Variants in NRXN1 observed in about 807,000 individuals in gnomAD.
NRXN1 encodes the protein neurexin 1, also known as neurexin-1.
A neutral mutation model predicts 150.9 loss-of-function variants in NRXN1; 39 were observed. The observed-to-expected ratio is 0.26, with a 90% CI of 0.20 to 0.34. The LOEUF (loss-of-function observed/expected upper bound fraction) is 0.34, where lower values mean the gene tolerates loss of function less well. Ranked by LOEUF, NRXN1 falls within the 10% of genes least tolerant of loss-of-function variation. The probability of loss-of-function intolerance (pLI) is 1.00; values close to 1 mark genes in which losing one functional copy is unlikely to be tolerated. For missense variants in NRXN1, 1,815 were observed against 1,949.9 expected, an observed-to-expected ratio of 0.93 and a Z score of 1.30; for synonymous variants, 924 against 757.0, an observed-to-expected ratio of 1.22 and a Z score of -3.62.
intron 5 of NRXN1, among the ~76,000 whole-genome samples, chr2:50,804,625 A>C (rs1667272161): frequency 6.6e-6 from 1 of 152,206 alleles, no homozygotes; most frequent in Non-Finnish European, 1.5e-5. Flanking sequence ...ACTTTGAACA[A>C]AAGAAAAGGA....
chr2:50,770,162 G>A (rs996093484), intron 5 of NRXN1, among the ~76,000 whole-genome samples: 6 of 152,038 alleles, frequency 3.9e-5, no homozygotes, highest in African/African-American at 1.4e-4. Flanking sequence ...TAATATTGCA[G>A]AAGTTTAACA....
intron 2 of NRXN1, among the ~76,000 whole-genome samples, chr2:51,005,687 A>G (rs1700619621): frequency 6.6e-6 from 1 of 151,930 alleles, no homozygotes; most frequent in South Asian, 2.1e-4. Context: ...GAATCACCCA[A>G]TTGCAAAAAT....
intron 18 of NRXN1, among the ~76,000 whole-genome samples, chr2:50,114,056 T>TA (rs1166657688): frequency 1.3e-5 from 2 of 151,966 alleles, no homozygotes; most frequent in Admixed American, 1.3e-4. Context: ...ATTACAGATG[T>TA]AAAAAAATAT....
At chr2:50,253,724 G>C (rs1320094625) in intron 17 of NRXN1, among the ~76,000 whole-genome samples, 10 of 152,114 alleles carry the variant, frequency 6.6e-5, no homozygotes, top group Admixed American at 1.3e-4. Flanking sequence ...TTATTGATTT[G>C]TGTATGTTGA....
intron 8 of NRXN1, among the ~76,000 whole-genome samples, chr2:50,601,830 C>T (rs1346127632): frequency 2.0e-5 from 3 of 152,166 alleles, no homozygotes; most frequent in African/African-American, 7.2e-5. Flanking sequence ...GACAGGTCTG[C>T]TCCTTCCTTG....
intron 2 of NRXN1, among the ~76,000 whole-genome samples, chr2:50,978,291 T>C (rs1575110329): frequency 7.6e-6 from 1 of 131,822 alleles, no homozygotes; most frequent in Admixed American, 7.5e-5. Context: ...TATATATATA[T>C]ATATATATAT....
intron 17 of NRXN1, among the ~76,000 whole-genome samples, chr2:50,237,194 G>T (rs1052980872): frequency 2.0e-5 from 3 of 152,040 alleles, no homozygotes; most frequent in African/African-American, 7.2e-5. Context: ...TTTACCAGTA[G>T]GTGTTTCAGA....
At chr2:50,394,130 G>A (rs1243612396) in intron 17 of NRXN1, among the ~76,000 whole-genome samples, 1 of 152,006 alleles carries the variant, frequency 6.6e-6, no homozygotes, top group Non-Finnish European at 1.5e-5. Flanking sequence ...CCAAATATGA[G>A]AAGGCTCAGT....
chr2:50,917,678 A>C (rs1685409097), intron 5 of NRXN1: 1 of 151,678 alleles, frequency 6.6e-6, no homozygotes, highest in East Asian at 1.9e-4. Context: ...GGACACAAAG[A>C]GAAGGTAGTG....
rs59726557 is a variant in NRXN1 at position 50,381,522 on chromosome 2, A to AACACACAC, written c.3364+83912_3364+83919dup. On this transcript the variant is annotated intron_variant, in intron 17 of 22. Transcript: ENST00000401669. ...AGTCTAAAGGGGACTCAGGCTTTTAAACACACACACACACACACACACACA... is the reference window on the plus strand; with the variant it reads ...AGTCTAAAGGGGACTCAGGCTTTTAAACACACACACACACACACACACACACACACACA... Among the ~76,000 whole-genome samples the AACACACAC allele has an allele frequency of 2.7e-3, 349 of 128,606 alleles. 2 individuals carry two copies. The highest frequency in any genetic ancestry group is 4.1e-3 in the Middle Eastern group (1 of 246). 84.4% of individuals were successfully genotyped at this position (128,606 alleles called of 152,430 possible). A position where few individuals can be genotyped will look rare whatever the true frequency, so the allele number is the denominator to read the frequency against.
chr2:50,035,096 T>A (rs567228456), intron 21 of NRXN1, among the ~76,000 whole-genome samples: 1 of 152,208 alleles, frequency 6.6e-6, no homozygotes, highest in South Asian at 2.1e-4. Context: ...TGACTGCACA[T>A]CTCAGGAAGA....
chr2:49,931,902 T>C (rs1670191348), intron 22 of NRXN1, among the ~76,000 whole-genome samples: 1 of 152,210 alleles, frequency 6.6e-6, no homozygotes, highest in African/African-American at 2.4e-5. Context: ...ATCCATTTCC[T>C]TTTTTATATA....
intron 2 of NRXN1, among the ~76,000 whole-genome samples, chr2:50,960,673 G>A (rs1300937449): frequency 6.6e-6 from 1 of 151,880 alleles, no homozygotes; most frequent in Non-Finnish European, 1.5e-5. Context: ...TGAACTTGCA[G>A]AAGCTCTCTG....
intron 8 of NRXN1, among the ~76,000 whole-genome samples, chr2:50,610,700 G>C (rs1388975364): frequency 1.1e-5 from 1 of 90,202 alleles, no homozygotes; most frequent in Non-Finnish European, 2.2e-5. Flanking sequence ...AGAATAGCCA[G>C]ATCACTTAGC....
intron 3 of NRXN1, among the ~76,000 whole-genome samples, chr2:50,925,643 A>G (rs1686748279): frequency 6.6e-6 from 1 of 151,972 alleles, no homozygotes; most frequent in Non-Finnish European, 1.5e-5. Flanking sequence ...TTTAAAGTAA[A>G]AAAAGCAGAA....
At chr2:50,213,528 G>A (rs2063177984) in intron 18 of NRXN1, among the ~76,000 whole-genome samples, 2 of 151,768 alleles carry the variant, frequency 1.3e-5, no homozygotes, top group South Asian at 4.1e-4. Context: ...TAATGGATCT[G>A]GAAGTTTCGT....
chr2:50,840,578 C>G (rs776220001), intron 5 of NRXN1, among the ~76,000 whole-genome samples: 2 of 152,110 alleles, frequency 1.3e-5, no homozygotes, highest in Non-Finnish European at 2.9e-5. Flanking sequence ...ACTTACTATG[C>G]CCCTCAACAG....
At chr2:50,910,877 C>G (rs1310545532) in intron 5 of NRXN1, among the ~76,000 whole-genome samples, 1 of 151,794 alleles carries the variant, frequency 6.6e-6, no homozygotes, top group African/African-American at 2.4e-5. Context: ...ATCAGCCATG[C>G]CAAATGTGCT....
chr2:50,621,790 AC>A lies in NRXN1; in HGVS notation c.1135-542del, dbSNP rs1234477384. On this transcript the variant is annotated intron_variant, in intron 6 of 22. Transcript: ENST00000401669. ...AAACTTCCTTCGGTCATATTGATGG[AC>A]TTTAGGGTCACAGTTTACTGCAATG... Among the ~76,000 whole-genome samples, 13 of 152,244 alleles carry A rather than the reference AC, an allele frequency of 8.5e-5. No individual in the cohort carries two copies. In the South Asian group the frequency reaches 2.7e-3, roughly 32 times the overall value.
Sources: allele counts gnomAD v4.1 joint callset (sites outside exome capture counted in the v4.1 genomes callset), GRCh38; gene constraint gnomAD v4.1.1; transcripts MANE v1.5; gene names NCBI Gene and HGNC (gene_info 2026-07-23, HGNC 2026-07-21).